The following PRKN variants were observed in gnomAD, a reference collection of about 807,000 sequenced individuals.
The protein encoded by PRKN is E3 ubiquitin-protein ligase parkin.
PRKN carries 56 observed loss-of-function variants against 59.5 expected under a neutral mutation model. The observed-to-expected ratio is 0.94, with a 90% CI of 0.76 to 1.18. The LOEUF is 1.18. Among genes scored for constraint, PRKN ranks in the 50% most tolerant of loss-of-function variants. The pLI is 0.00. For synonymous variants in PRKN, 250 were observed against 222.1 expected (o/e 1.13, Z -1.12); for missense variants, 657 against 596.4 (o/e 1.10, Z -1.06).
chr6:162,591,954 G>A (rs929922861), intron 1 of PRKN, among the ~76,000 whole-genome samples: 8 of 150,442 alleles, frequency 5.3e-5, no homozygotes, highest in African/African-American at 1.7e-4. Context: ...TTAGTATACA[G>A]CTTCACAGTT....
intron 3 of PRKN, among the ~76,000 whole-genome samples, chr6:162,216,637 T>A (rs1777684035): frequency 6.7e-6 from 1 of 149,382 alleles, no homozygotes; most frequent in Non-Finnish European, 1.5e-5. Flanking sequence ...GCGGCAGGAA[T>A]GTGATCTAGT....
chr6:161,794,046 C>T (rs1432936769), intron 6 of PRKN, among the ~76,000 whole-genome samples: 1 of 152,092 alleles, frequency 6.6e-6, no homozygotes, highest in Non-Finnish European at 1.5e-5. Flanking sequence ...AGGCACGTTC[C>T]CTTTCACTCC....
rs920269459 is a variant in PRKN at position 161,399,948 on chromosome 6, G to A, written c.1084-13071C>T. Among the ~76,000 whole-genome samples, 1 of 152,094 alleles carries A rather than the reference G, an allele frequency of 6.6e-6. No individual in the cohort carries two copies. The highest frequency in any genetic ancestry group is 2.4e-5 in the African/African-American group (1 of 41,386). ...ATTCAAAATTGTATCATTTCAACAT[G>A]CAATCGATATAAAAATTGGTAATGA... On this transcript the variant is annotated intron_variant, in intron 9 of 11. Transcript: ENST00000366898. This position sits in a 1 kb window ranked among gnomAD's most constrained non-coding sequence, Gnocchi z 4.4.
chr6:162,436,794 A>G (rs764269675), intron 2 of PRKN, among the ~76,000 whole-genome samples: 2 of 141,222 alleles, frequency 1.4e-5, no homozygotes, highest in East Asian at 2.1e-4. Flanking sequence ...AATTCTGTTT[A>G]AGACTTCAAG....
chr6:161,676,037 C>CT (rs1162100424), intron 7 of PRKN, among the ~76,000 whole-genome samples: 2 of 152,248 alleles, frequency 1.3e-5, no homozygotes, highest in Admixed American at 6.5e-5. Context: ...GAGAGGCACT[C>CT]TGAGTCCTAA....
In PRKN at chr6:161,400,474, A is replaced by C. The variant is rs972753211; in HGVS notation, c.1084-13597T>G. On this transcript the variant is annotated intron_variant, in intron 9 of 11. Coordinates refer to ENST00000366898, the MANE Select transcript of PRKN (RefSeq NM_004562.3). The surrounding 1 kb of genome is among the most constrained non-coding windows in gnomAD (Gnocchi z 4.2). The stretch of plus-strand genomic sequence containing the variant: ...AGGTGTGTGCCACCACGCCCAGCTA[A>C]TTTTTGTATTTTTAGTAGAGACGGG... Among the ~76,000 whole-genome samples, 12 of 151,856 alleles carry C rather than the reference A, an allele frequency of 7.9e-5. No individual in the cohort carries two copies. The highest frequency in any genetic ancestry group is 4.6e-4 in the Admixed American group (7 of 15,238).
intron 7 of PRKN, among the ~76,000 whole-genome samples, chr6:161,711,337 T>A (rs1400561562): frequency 6.6e-6 from 1 of 152,176 alleles, no homozygotes; most frequent in Non-Finnish European, 1.5e-5. Context: ...AAATACACAC[T>A]GATGCATGTA....
At chr6:161,392,610 C>T (rs999013279) in intron 9 of PRKN, among the ~76,000 whole-genome samples, 1 of 151,576 alleles carries the variant, frequency 6.6e-6, no homozygotes, top group Non-Finnish European at 1.5e-5. Flanking sequence ...GGAGAAAGTT[C>T]ACCACTTCCA....
At chr6:161,930,794 A>T (rs2128240847) in intron 6 of PRKN, among the ~76,000 whole-genome samples, 1 of 152,312 alleles carries the variant, frequency 6.6e-6, no homozygotes, top group East Asian at 1.9e-4. Flanking sequence ...GGATCCTTAA[A>T]AGGTAGAAGG....
Position 162,644,092 on chromosome 6 carries a change from C to G in PRKN, c.7+83570G>C. ...TCTGACTCCAAGTAGGTTGAACGCT[C>G]CCACTTTCAGCACATTCAGTCTTTT... On this transcript the variant is annotated intron_variant, in intron 1 of 11. Transcript: ENST00000366898. Among the ~76,000 whole-genome samples the G allele has an allele frequency of 3.3e-5, 5 of 152,262 alleles. No individual in the cohort carries two copies. The South Asian group carries it at 1.0e-3, about 32-fold the overall frequency.
intron 1 of PRKN, among the ~76,000 whole-genome samples, chr6:162,542,167 T>A (rs1252371287): frequency 6.6e-6 from 1 of 152,186 alleles, no homozygotes; most frequent in East Asian, 1.9e-4. Flanking sequence ...TCAGTTCAAG[T>A]GCTTCTTTTA....
intron 7 of PRKN, among the ~76,000 whole-genome samples, chr6:161,662,784 T>C (rs1424109187): frequency 6.6e-6 from 1 of 152,160 alleles, no homozygotes; most frequent in Admixed American, 6.5e-5. Flanking sequence ...ACAGGCTGTA[T>C]TTTATGGAGC....
chr6:161,801,799 A>G (rs1171806491), intron 6 of PRKN, among the ~76,000 whole-genome samples: 1 of 152,128 alleles, frequency 6.6e-6, no homozygotes, highest in East Asian at 1.9e-4. Context: ...GCGTGTGTCC[A>G]GGACTGGGCA....
In PRKN at chr6:161,621,289, C is replaced by G. The variant is rs1782888216; in HGVS notation, c.872-51873G>C. Among the ~76,000 whole-genome samples the G allele has an allele frequency of 1.3e-5, 2 of 152,088 alleles. 1 individual carries two copies. The highest frequency in any genetic ancestry group is 4.1e-4 in the South Asian group (2 of 4,820). On this transcript the variant is annotated intron_variant, in intron 7 of 11. Transcript: ENST00000366898. ...GTTGACAAGTTCTAGGACAGGCCAT[C>G]TACAAGCTGAAGACCCTGGGATGCT...
rs550237076 is a variant in PRKN, at chr6:161,461,817, C to A, written c.1084-74940G>T. Among the ~76,000 whole-genome samples the A allele has an allele frequency of 1.2e-4, 19 of 152,232 alleles. No homozygotes were observed. Among genetic ancestry groups the A allele is most frequent in the Admixed American group, 9.2e-4 (14 of 15,290 alleles). ...GGCAATGTGAAGTATAATCCAGGAG[C>A]TCTAGAGAATGGTCTAGTTAGAGAC... On this transcript the variant is annotated intron_variant, in intron 9 of 11. Coordinates refer to ENST00000366898, the MANE Select transcript of PRKN (RefSeq NM_004562.3). This position sits in a 1 kb window ranked among gnomAD's most constrained non-coding sequence, Gnocchi z 5.1.
intron 7 of PRKN, among the ~76,000 whole-genome samples, chr6:161,776,188 C>T (rs762348175): frequency 1.2e-4 from 19 of 152,192 alleles, no homozygotes; most frequent in Non-Finnish European, 2.4e-4. Flanking sequence ...CTCAACAAAT[C>T]AACCTAAATA....
intron 9 of PRKN, among the ~76,000 whole-genome samples, chr6:161,540,942 G>A (rs185765877): frequency 1.4e-4 from 21 of 152,300 alleles, no homozygotes; most frequent in African/African-American, 4.6e-4. Context: ...TGCATGACCC[G>A]TACTCTGGAA....
At chr6:162,213,473 A>T (rs1407019309) in intron 3 of PRKN, among the ~76,000 whole-genome samples, 1 of 152,166 alleles carries the variant, frequency 6.6e-6, no homozygotes, top group Non-Finnish European at 1.5e-5. Flanking sequence ...CATGCCTGTC[A>T]TCCCAGCAGT....
rs118010211 is a variant in PRKN, at chr6:161,427,288, T to C, written c.1084-40411A>G. Among the ~76,000 whole-genome samples, 246 of 152,306 alleles carry C rather than the reference T, an allele frequency of 1.6e-3. 5 individuals are homozygous for C. The East Asian group carries it at 0.042, about 26-fold the overall frequency. The stretch of plus-strand genomic sequence containing the variant: ...CCTCCCAAAATGCTGGGATATTACA[T>C]GTTACTATTGGGCCCTAAACTAGTG... On this transcript the variant is annotated intron_variant, in intron 9 of 11. Transcript: ENST00000366898.
Sources: gnomAD v4.1 joint callset for allele counts (sites outside exome capture counted in the v4.1 genomes callset) on GRCh38, gnomAD v4.1.1 for gene constraint, Gnocchi (gnomAD v3.1) non-coding constraint, MANE v1.5 for transcripts, NCBI Gene and HGNC (gene_info 2026-07-23, HGNC 2026-07-21) for gene names.